KCNH8: variants seen among roughly 807,000 people sequenced by gnomAD.
KCNH8 encodes voltage-gated delayed rectifier potassium channel KCNH8.
In KCNH8, 70 loss-of-function variants were observed where a neutral mutation model predicts 103.6. The ratio of observed to expected loss-of-function variants is 0.68; its 90% CI spans 0.56 to 0.82. KCNH8 has a LOEUF of 0.82. KCNH8 is among the 40% of genes least tolerant of loss of function. The probability of loss-of-function intolerance (pLI) is 0.00; values close to 1 mark genes in which losing one functional copy is unlikely to be tolerated. For missense variants in KCNH8, 1,217 were observed against 1,329.9 expected, an observed-to-expected ratio of 0.92 and a Z score of 1.32; for synonymous variants, 498 against 489.4, an observed-to-expected ratio of 1.02 and a Z score of -0.23.
chr3:19,501,379 C>G (rs1430185779), intron 11 of KCNH8, among the ~76,000 whole-genome samples: 1 of 152,134 alleles, frequency 6.6e-6, no homozygotes, highest in Non-Finnish European at 1.5e-5. Flanking sequence ...CCTTCTGAAA[C>G]TATTCCAATC....
In KCNH8 at chr3:19,451,371, G is replaced by C; in HGVS notation, c.1792G>C (p.Val598Leu). Reference sequence around the variant, plus strand: ...CTTTGTATGCTCGGGCTCCATGGAAGTTCTTAAAGACAGCATGGTGCTGGC... The same window carrying C: ...CTTTGTATGCTCGGGCTCCATGGAACTTCTTAAAGACAGCATGGTGCTGGC... The part of the protein sequence containing the change: ...IYFVCSGSME[V>L]LKDSMVLAIL... The change falls in exon 10 of 16, where the codon GTT becomes CTT. Residue 598 changes from valine (V) to leucine (L), a missense_variant. Around this residue, in one of 3 missense-constraint regions of KCNH8, gnomAD observed 415 missense variants for 577.4 expected, o/e 0.72. Coordinates refer to ENST00000328405, the MANE Select transcript of KCNH8 (RefSeq NM_144633.3). 1 of 1,613,770 alleles carries C rather than the reference G, an allele frequency of 6.2e-7. No homozygotes were observed. The highest frequency in any genetic ancestry group is 8.5e-7 in the Non-Finnish European group (1 of 1,179,774).
At chr3:19,486,171 A>G (rs1206589133) in intron 11 of KCNH8, among the ~76,000 whole-genome samples, 2 of 152,194 alleles carry the variant, frequency 1.3e-5, no homozygotes, top group Non-Finnish European at 2.9e-5. Context: ...TGAGATGCCC[A>G]TGGCTGGTCC....
intron 2 of KCNH8, among the ~76,000 whole-genome samples, chr3:19,265,811 A>C (rs2064502128): frequency 6.6e-6 from 1 of 152,120 alleles, no homozygotes; most frequent in Non-Finnish European, 1.5e-5. Flanking sequence ...GAATAATTAT[A>C]ATATCGACTG....
intron 3 of KCNH8, among the ~76,000 whole-genome samples, chr3:19,288,098 G>GTT (rs2064859229): frequency 7.0e-6 from 1 of 143,788 alleles, no homozygotes; most frequent in South Asian, 2.3e-4. Flanking sequence ...TTAGTTCATA[G>GTT]TAAGTGTCCT....
intron 11 of KCNH8, among the ~76,000 whole-genome samples, chr3:19,484,360 C>T (rs1411204091): frequency 6.6e-6 from 1 of 152,132 alleles, no homozygotes; most frequent in Non-Finnish European, 1.5e-5. Flanking sequence ...CCTCAGTAAC[C>T]TGATGTATAC....
chr3:19,443,486 A>G (rs1397859194), intron 8 of KCNH8, among the ~76,000 whole-genome samples: 1 of 151,280 alleles, frequency 6.6e-6, no homozygotes, highest in Non-Finnish European at 1.5e-5. Flanking sequence ...TAAAGTTTTC[A>G]TTTAAGATGC....
intron 11 of KCNH8, among the ~76,000 whole-genome samples, chr3:19,467,545 A>T (rs1399059759): frequency 6.6e-6 from 1 of 152,200 alleles, no homozygotes; most frequent in Non-Finnish European, 1.5e-5. Context: ...ACTCTAATGT[A>T]TGAGTCAACT....
chr3:19,510,389 T>C lies in KCNH8; in HGVS notation c.2067T>C (p.Ser689=). 1.3e-6 allele frequency: 2 copies of C among 1,581,794 alleles called. No homozygotes were observed. The highest frequency in any genetic ancestry group is 2.2e-5 in the East Asian group (1 of 44,684). Residue 689 remains serine, a synonymous_variant, in exon 12 of 16, where the codon TCT becomes TCC. Transcript: ENST00000328405. ...SDVISRLSNK[S]MVSQSEPKGN... is the part of the protein sequence containing the mutation. The stretch of plus-strand genomic sequence containing the variant: ...TGATATCAAGACTATCAAACAAATC[T>C]ATGGTCTCACAGGTATGGCTTTTGC...
chr3:19,469,628 C>T (rs2067813972), intron 11 of KCNH8, among the ~76,000 whole-genome samples: 1 of 152,080 alleles, frequency 6.6e-6, no homozygotes, highest in African/African-American at 2.4e-5. Flanking sequence ...TTTCCTCCTA[C>T]TGATGTCTTT....
rs2068740372 is a variant in KCNH8 at position 19,508,960 on chromosome 3, TC to T, written c.2041-1401del. On this transcript the variant is annotated intron_variant, in intron 11 of 15. Transcript: ENST00000328405. Reference sequence around the variant, plus strand: ...ATCTGTGATTGGAGGTGTTCAGCCTTCCTGAATCCCATTGTCATGTTCTTCT... The same window carrying T: ...ATCTGTGATTGGAGGTGTTCAGCCTTCTGAATCCCATTGTCATGTTCTTCT... 3.9e-5 allele frequency among the ~76,000 whole-genome samples: 6 copies of T among 152,318 alleles called. No individual in the cohort carries two copies. In the South Asian group the frequency reaches 1.2e-3, roughly 32 times the overall value.
At chr3:19,282,493 A>C (rs1301322115) in intron 3 of KCNH8, among the ~76,000 whole-genome samples, 3 of 152,206 alleles carry the variant, frequency 2.0e-5, no homozygotes, top group Admixed American at 1.3e-4. Flanking sequence ...AAAATTATTC[A>C]AACATGTAAG....
intron 3 of KCNH8, among the ~76,000 whole-genome samples, chr3:19,301,766 C>A (rs2065067296): frequency 6.6e-6 from 1 of 152,216 alleles, no homozygotes; most frequent in Non-Finnish European, 1.5e-5. Flanking sequence ...ACACACCCTT[C>A]TGTCCAACTT....
chr3:19,297,318 T>A (rs1219280852), intron 3 of KCNH8, among the ~76,000 whole-genome samples: 1 of 152,236 alleles, frequency 6.6e-6, no homozygotes, highest in Non-Finnish European at 1.5e-5. Flanking sequence ...AAGGAAGTAG[T>A]TAAATTATAA....
At chr3:19,369,301 T>C (rs552888884) in intron 5 of KCNH8, among the ~76,000 whole-genome samples, 1 of 151,930 alleles carries the variant, frequency 6.6e-6, no homozygotes, top group Non-Finnish European at 1.5e-5. Context: ...TTGATACTGG[T>C]GACCCCTCCT....
At chr3:19,312,750 G>T (rs950083187) in intron 3 of KCNH8, among the ~76,000 whole-genome samples, 1 of 151,860 alleles carries the variant, frequency 6.6e-6, no homozygotes, top group Non-Finnish European at 1.5e-5. Context: ...TTTGCTTAAA[G>T]AGCTTGCTCC....
chr3:19,520,403 A>C (rs1415270420), intron 15 of KCNH8, among the ~76,000 whole-genome samples: 2 of 151,988 alleles, frequency 1.3e-5, no homozygotes, highest in African/African-American at 2.4e-5. Context: ...CTTCACACAT[A>C]ATTTAATTTA....
intron 1 of KCNH8, among the ~76,000 whole-genome samples, chr3:19,216,726 T>C (rs189573594): frequency 5.9e-5 from 9 of 152,366 alleles, no homozygotes; most frequent in Admixed American, 2.6e-4. Context: ...TGCTCACTCA[T>C]TGATACATCA....
At chr3:19,205,413 A>G (rs888800331) in intron 1 of KCNH8, among the ~76,000 whole-genome samples, 1 of 152,072 alleles carries the variant, frequency 6.6e-6, no homozygotes, top group Non-Finnish European at 1.5e-5. Context: ...TCTGATCTTC[A>G]GGTGTATATA....
chr3:19,258,937 C>CTATATA (rs2064384681), intron 2 of KCNH8, among the ~76,000 whole-genome samples: 3 of 80,054 alleles, frequency 3.7e-5, no homozygotes, highest in South Asian at 4.2e-4. Context: ...CTCTCTCTCT[C>CTATATA]TCTCTCTCTC....
Sources: gnomAD v4.1 joint callset for allele counts (sites outside exome capture counted in the v4.1 genomes callset) on GRCh38, gnomAD v4.1.1 for gene constraint, gnomAD v4.1.1 regional missense constraint, MANE v1.5 for transcripts, NCBI Gene and HGNC (gene_info 2026-07-23, HGNC 2026-07-21) for gene names.